ANO4: variants seen among roughly 807,000 people sequenced by gnomAD.
ANO4 encodes anoctamin 4.
Under a neutral mutation model 141.9 loss-of-function variants are expected in ANO4, and 69 were observed. That is an observed-to-expected ratio of 0.49 (90% CI 0.40 to 0.59). The LOEUF (loss-of-function observed/expected upper bound fraction) is 0.59, where lower values mean the gene tolerates loss of function less well. Ranked by LOEUF, ANO4 falls within the 20% of genes least tolerant of loss-of-function variation. The pLI, the probability that ANO4 is intolerant of heterozygous loss-of-function variation, is 0.00. For synonymous variants in ANO4, 350 were observed against 394.3 expected (o/e 0.89, Z 1.33); for missense variants, 894 against 1,162.2 (o/e 0.77, Z 3.36).
chr12:101,095,166 A>G (rs1566240670), intron 18 of ANO4, among the ~76,000 whole-genome samples: 1 of 152,324 alleles, frequency 6.6e-6, no homozygotes, highest in South Asian at 2.1e-4. Flanking sequence ...ATTTTTATTC[A>G]TCATTCTGAC....
intron 17 of ANO4, among the ~76,000 whole-genome samples, chr12:101,088,402 TTTTTCTATAGCA>T (rs1450729544): frequency 6.6e-6 from 1 of 152,094 alleles, no homozygotes; most frequent in South Asian, 2.1e-4. Context: ...TTGCCTGTGT[TTTTTCTATAGCA>T]TTTATCACCA....
rs1566092612 is a variant in ANO4 at position 100,987,617 on chromosome 12, C to G, written c.681C>G (p.Asp227Glu). The G allele has an allele frequency of 1.9e-6, 3 of 1,613,958 alleles. No individual in the cohort carries two copies. The highest frequency in any genetic ancestry group is 2.5e-6 in the Non-Finnish European group (3 of 1,180,004). ...PMRLDKETLPDLEENDCYTAP... is the reference protein window; with the variant it reads ...PMRLDKETLPELEENDCYTAP... ...GGCTGGACAAGGAGACACTGCCAGACCTGGAGGAGAATGACTGCTACACTG... is the reference window on the plus strand; with the variant it reads ...GGCTGGACAAGGAGACACTGCCAGAGCTGGAGGAGAATGACTGCTACACTG... The change falls in exon 8 of 28, where the codon GAC becomes GAG. Residue 227 changes from aspartate (D) to glutamate (E), a missense_variant. Asp to Glu is a conservative substitution (Grantham distance 45). Around this residue, in one of 2 missense-constraint regions of ANO4, gnomAD observed 637 missense variants for 909.2 expected, o/e 0.70. Coordinates refer to ENST00000392977, the MANE Select transcript of ANO4 (RefSeq NM_001286615.2).
At chr12:100,997,415 T>C (rs1023958540) in intron 8 of ANO4, among the ~76,000 whole-genome samples, 37 of 151,344 alleles carry the variant, frequency 2.4e-4, no homozygotes, top group Admixed American at 9.9e-4. Context: ...CTAAATACAA[T>C]TTTTCAACTG....
chr12:100,781,115 C>T (rs1253839966), intron 3 of ANO4, among the ~76,000 whole-genome samples: 1 of 152,170 alleles, frequency 6.6e-6, no homozygotes, highest in Non-Finnish European at 1.5e-5. Flanking sequence ...TTAACTTGAA[C>T]TCACAAGTCT....
intron 14 of ANO4, chr12:101,066,997 C>CAAAAAAAAAAAAAAAAAAAAAA (rs34416390): frequency 5.7e-6 from 1 of 174,748 alleles, no homozygotes. Context: ...TAAAGTATAA[C>CAAAAAAAAAAAAAAAAAAAAAA]AAAAAAAAAA....
At chr12:100,825,902 G>A (rs754443836) in intron 1 of ANO4, among the ~76,000 whole-genome samples, 9 of 152,108 alleles carry the variant, frequency 5.9e-5, no homozygotes, top group Non-Finnish European at 8.8e-5. Context: ...TAATATGTTA[G>A]CTATTAATTT....
At chr12:100,831,084 T>C (rs2036608155) in intron 1 of ANO4, among the ~76,000 whole-genome samples, 2 of 152,156 alleles carry the variant, frequency 1.3e-5, no homozygotes, top group South Asian at 4.1e-4. Context: ...TGAACTGATA[T>C]TTAAAACTGT....
At chr12:100,721,462 G>GT (rs2030863367) in intron 1 of ANO4, among the ~76,000 whole-genome samples, 1 of 152,172 alleles carries the variant, frequency 6.6e-6, no homozygotes. Context: ...GGTCATTCCA[G>GT]GGAGCAACAG....
At chr12:101,121,836 C>T (rs1271357900) in intron 26 of ANO4, among the ~76,000 whole-genome samples, 2 of 148,454 alleles carry the variant, frequency 1.3e-5, no homozygotes, top group Non-Finnish European at 3.0e-5. Flanking sequence ...AATCTCGGCT[C>T]ACTGCAACCT....
intron 8 of ANO4, among the ~76,000 whole-genome samples, chr12:100,989,613 GGATGGATA>G (rs1319335180): frequency 4.3e-5 from 4 of 92,812 alleles, no homozygotes; most frequent in African/African-American, 1.0e-4. Flanking sequence ...GTCACTGGAT[GGATGGATA>G]GATGGATGGA....
chr12:101,095,370 G>T lies in ANO4; in HGVS notation c.1738+1078G>T, dbSNP rs150181924. On this transcript the variant is annotated intron_variant, in intron 18 of 27. Transcript: ENST00000392977. ...CCCTGTGGTAGCTTGATCCAGGCTA[G>T]CAGAAATGCCATTGGAGGTACAGTC... 4.4e-3 allele frequency among the ~76,000 whole-genome samples: 664 copies of T among 152,264 alleles called. 8 individuals carry two copies. Among genetic ancestry groups the T allele is most frequent in the African/African-American group, 0.015 (638 of 41,520 alleles).
At chr12:101,116,870 G>T in intron 25 of ANO4, 72 bp downstream of exon 25, 2 of 1,592,732 alleles carry the variant, frequency 1.3e-6, no homozygotes, top group Non-Finnish European at 1.7e-6. Context: ...TACTCTGAAG[G>T]CCCCTTCTGG....
At chr12:101,122,482 T>G (rs1262671562) in intron 26 of ANO4, among the ~76,000 whole-genome samples, 1 of 152,234 alleles carries the variant, frequency 6.6e-6, no homozygotes, top group Non-Finnish European at 1.5e-5. Context: ...AGAAGGGTAT[T>G]TCCTAGGTTT....
At chr12:100,864,690 G>A (rs1305324420) in intron 1 of ANO4, among the ~76,000 whole-genome samples, 2 of 151,946 alleles carry the variant, frequency 1.3e-5, no homozygotes, top group Admixed American at 6.6e-5. Flanking sequence ...CACAAAATCG[G>A]CATTTTTTAT....
chr12:100,925,266 G>A (rs1349207301), intron 3 of ANO4, among the ~76,000 whole-genome samples: 1 of 152,014 alleles, frequency 6.6e-6, no homozygotes, highest in African/African-American at 2.4e-5. Flanking sequence ...TACTTTAAGG[G>A]ACTGTAGCTT....
chr12:101,027,868 G>A (rs1473633784), intron 9 of ANO4, among the ~76,000 whole-genome samples: 4 of 152,160 alleles, frequency 2.6e-5, no homozygotes, highest in Middle Eastern at 6.8e-3. Context: ...CACCCAAATA[G>A]GTAAGACCTT....
intron 7 of ANO4, among the ~76,000 whole-genome samples, chr12:100,986,189 T>C (rs2044699741): frequency 6.6e-6 from 1 of 152,116 alleles, no homozygotes; most frequent in South Asian, 2.1e-4. Flanking sequence ...ATTTGCACGG[T>C]TAGCTCATAA....
intron 9 of ANO4, among the ~76,000 whole-genome samples, chr12:101,027,014 A>G (rs2046766820): frequency 6.6e-6 from 1 of 152,160 alleles, no homozygotes; most frequent in East Asian, 1.9e-4. Flanking sequence ...TAATGTGTGA[A>G]TCCTTCATTG....
At chr12:100,718,407 A>G (rs904515769) in intron 1 of ANO4, among the ~76,000 whole-genome samples, 44 of 152,176 alleles carry the variant, frequency 2.9e-4, no homozygotes, top group African/African-American at 9.9e-4. Context: ...TTGTTGCGAT[A>G]AGATCTAGAT....
Sources: gnomAD v4.1 joint callset for allele counts (sites outside exome capture counted in the v4.1 genomes callset) on GRCh38, gnomAD v4.1.1 for gene constraint, gnomAD v4.1.1 regional missense constraint, MANE v1.5 for transcripts, NCBI Gene and HGNC (gene_info 2026-07-23, HGNC 2026-07-21) for gene names.